ADGRA2: variants seen among roughly 807,000 people sequenced by gnomAD.
The protein encoded by ADGRA2 is adhesion G protein-coupled receptor A2.
Under a neutral mutation model 98.7 loss-of-function variants are expected in ADGRA2, and 61 were observed. The ratio of observed to expected loss-of-function variants is 0.62; its 90% confidence interval spans 0.50 to 0.76. The LOEUF (loss-of-function observed/expected upper bound fraction) is 0.76. Among genes scored for constraint, ADGRA2 ranks in the 30% least tolerant of loss-of-function variants. The pLI is 0.00. For synonymous variants in ADGRA2, 858 were observed against 831.5 expected (o/e 1.03, Z -0.55); for missense variants, 1,712 against 1,860.0 (o/e 0.92, Z 1.46).
chr8:37,804,780 G>A (rs1309672833), intron 1 of ADGRA2, among the ~76,000 whole-genome samples: 1 of 152,190 alleles, frequency 6.6e-6, no homozygotes. Flanking sequence ...CAGAGCAGAT[G>A]CCCTAATCCG....
In ADGRA2 at chr8:37,841,715, G is replaced by A; in HGVS notation, c.3377G>A (p.Gly1126Asp). The change falls in exon 19 of 19, where the codon GGC (glycine) becomes GAC (aspartate). Residue 1126 changes from glycine (G) to aspartate (D), a missense_variant. Coordinates refer to ENST00000412232, the MANE Select transcript of ADGRA2 (RefSeq NM_032777.10). The surrounding 1 kb of genome is among the most constrained non-coding windows in gnomAD (Gnocchi z 5.0). Reference protein sequence around the residue: ...SLKSSPSGSSGHPLALGPCKL... With the variant: ...SLKSSPSGSSDHPLALGPCKL... ...AAGTCCTCCCCAAGCGGCAGCAGCG[G>A]CCATCCGCTGGCTCTGGGCCCCTGC... 6.5e-7 allele frequency: 1 copy of A among 1,541,864 alleles called. No homozygotes were observed. Among genetic ancestry groups the A allele is most frequent in the Non-Finnish European group, 8.7e-7 (1 of 1,144,106 alleles).
In ADGRA2 at chr8:37,841,677, C is replaced by CCCCCCTCCGGGAGGGG; in HGVS notation, c.3344_3345insTCCGGGAGGGGCCCCC (p.Ser1116ProfsTer155). On this transcript the variant is annotated frameshift_variant, in exon 19 of 19. Coordinates refer to ENST00000412232, the MANE Select transcript of ADGRA2 (RefSeq NM_032777.10). LOFTEE classifies it low-confidence loss of function (END_TRUNC). The surrounding 1 kb of genome is among the most constrained non-coding windows in gnomAD (Gnocchi z 5.0). ...ACGGTTCCCCGGTGTTCGGGGAGGGCCCCCCCTCCCTCAAGTCCTCCCCAA... is the reference window on the plus strand; with the variant it reads ...ACGGTTCCCCGGTGTTCGGGGAGGGCCCCCCTCCGGGAGGGGCCCCCCTCCCTCAAGTCCTCCCCAA... 6.5e-7 allele frequency: 1 copy of CCCCCCTCCGGGAGGGG among 1,527,872 alleles called. No homozygotes were observed. Among genetic ancestry groups the CCCCCCTCCGGGAGGGG allele is most frequent in the Non-Finnish European group, 8.8e-7 (1 of 1,137,110 alleles). The allele number at this position is 1,527,872 out of a possible 1,614,324, so 94.6% of individuals were successfully genotyped here.
intron 2 of ADGRA2, among the ~76,000 whole-genome samples, chr8:37,820,746 A>C (rs1805103345): frequency 1.3e-5 from 2 of 152,176 alleles, no homozygotes; most frequent in Non-Finnish European, 2.9e-5. Context: ...AGCCTTTGCA[A>C]ATGGGCTGTG....
At chr8:37,804,993 C>T (rs993024879) in intron 1 of ADGRA2, among the ~76,000 whole-genome samples, 3 of 152,240 alleles carry the variant, frequency 2.0e-5, no homozygotes, top group East Asian at 3.8e-4. Context: ...GGCACCACCT[C>T]GGGTAGCTTC....
intron 1 of ADGRA2, among the ~76,000 whole-genome samples, chr8:37,808,634 C>A (rs1804744899): frequency 6.6e-6 from 1 of 151,842 alleles, no homozygotes; most frequent in African/African-American, 2.4e-5. Context: ...TGCTGTAACA[C>A]CCAGCTTTCT....
Position 37,836,084 on chromosome 8 carries a change from CA to C in ADGRA2, c.2050+315del, listed in dbSNP as rs1805606318. Among the ~76,000 whole-genome samples, 133 of 148,826 alleles carry C rather than the reference CA, an allele frequency of 8.9e-4. 1 individual carries two copies. Among genetic ancestry groups the C allele is most frequent in the South Asian group, 3.4e-3 (16 of 4,736 alleles). On this transcript the variant is annotated intron_variant, in intron 13 of 18. Coordinates refer to ENST00000412232, the MANE Select transcript of ADGRA2 (RefSeq NM_032777.10). ...ACACACACACACACACACACACACA[CA>C]CACACACACACACCCCACAGGCCCA...
chr8:37,839,417 C>A, intron 15 of ADGRA2, 82 bp from the exon 16 acceptor site: 1 of 1,575,398 alleles, frequency 6.3e-7, no homozygotes, highest in Admixed American at 1.8e-5. Flanking sequence ...GCCTGCCCCC[C>A]GTGGCTCTCC....
Position 37,829,892 on chromosome 8 carries a change from G to T in ADGRA2, c.596G>T (p.Arg199Leu). The T allele has an allele frequency of 6.2e-7, 1 of 1,612,830 alleles. No homozygotes were observed. Among genetic ancestry groups the T allele is most frequent in the Non-Finnish European group, 8.5e-7 (1 of 1,179,908 alleles). ...TTCCTGACCTGTGACTGCCACCTGC[G>T]CTGGCTGCTGCCCTGGGCCCAGAAT... ...TEFLTCDCHL[R>L]WLLPWAQNRS... is the part of the protein sequence containing the mutation. The change falls in exon 6 of 19, where the codon CGC becomes CTC. Residue 199 changes from arginine to leucine, a missense_variant. Arg to Leu is a moderately radical substitution (Grantham distance 102, BLOSUM62 -2). Transcript: ENST00000412232.
At chr8:37,807,317 C>T (rs1424059357) in intron 1 of ADGRA2, among the ~76,000 whole-genome samples, 6 of 152,218 alleles carry the variant, frequency 3.9e-5, no homozygotes, top group Non-Finnish European at 7.3e-5. Context: ...GCCAGCCTTT[C>T]GCTTGAGGTT....
rs1041754275 is a variant in ADGRA2 at position 37,841,189 on chromosome 8, C to T, written c.2851C>T (p.Arg951Trp). 7 of 1,613,308 alleles carry T rather than the reference C, an allele frequency of 4.3e-6. No individual in the cohort carries two copies. Among genetic ancestry groups the T allele is most frequent in the Non-Finnish European group, 5.1e-6 (6 of 1,180,004 alleles). Residue 951 changes from arginine to tryptophan, a missense_variant, in exon 19 of 19, where the codon CGG (arginine) becomes TGG (tryptophan). Transcript: ENST00000412232. The surrounding 1 kb of genome is among the most constrained non-coding windows in gnomAD (Gnocchi z 5.0). ...TTTCCTGTGCGCCGGGCTACGCTTA[C>T]GGGGTCCTCTGGCACAGAACCCCAA... ...IYFLCAGLRL[R>W]GPLAQNPKAG...
At position 37,830,075 on chromosome 8, in the gene ADGRA2, C is replaced by T. The variant is rs951203735; in HGVS notation, c.718+61C>T. The T allele has an allele frequency of 1.7e-6, 2 of 1,169,706 alleles. No homozygotes were observed. The highest frequency in any genetic ancestry group is 1.5e-5 in the African/African-American group (1 of 65,022). 72.5% of individuals were successfully genotyped at this position (1,169,706 alleles called of 1,614,324 possible). On this transcript the variant is annotated intron_variant, in intron 6 of 18. Transcript: ENST00000412232. This position sits in a 1 kb window ranked among gnomAD's most constrained non-coding sequence, Gnocchi z 4.8. ...ACCCTGCCTCTCCACCAACCCAGGG[C>T]CCAGACACGAGCCTCCCCTCAGACC...
chr8:37,797,120 G>C lies in ADGRA2; in HGVS notation c.-149G>C, dbSNP rs1431944243. On this transcript the variant is annotated 5_prime_UTR_variant, in exon 1 of 19. Transcript: ENST00000412232. The surrounding 1 kb of genome is among the most constrained non-coding windows in gnomAD (Gnocchi z 5.3). ...CATGCCCCCGGGGCGCGGCGGCGGG[G>C]ACCCCGGGGCTCGCCTCCGCCCAGG... The C allele has an allele frequency of 2.3e-6, 1 of 442,604 alleles. No individual in the cohort carries two copies. Among genetic ancestry groups the C allele is most frequent in the Non-Finnish European group, 3.3e-6 (1 of 300,544 alleles). The allele number at this position is 442,604 out of a possible 1,614,324, so 27.4% of individuals were successfully genotyped here.
rs34876570 is a variant in ADGRA2 at position 37,807,106 on chromosome 8, AC to A, written c.267-7785del. On this transcript the variant is annotated intron_variant, in intron 1 of 18. Coordinates refer to ENST00000412232, the MANE Select transcript of ADGRA2 (RefSeq NM_032777.10). ...GGTTCAGGGGCAGTCTCAGGACCCA[AC>A]CCCCTAAAGCCCCTCCCTAGGCCTC... Among the ~76,000 whole-genome samples the A allele has an allele frequency of 8.8e-4, 134 of 152,128 alleles. 1 individual carries two copies. Among genetic ancestry groups the A allele is most frequent in the South Asian group, 2.1e-3 (10 of 4,818 alleles).
rs143973330 is a variant in ADGRA2 at position 37,829,686 on chromosome 8, C to T, written c.554+127C>T. ...GCCACAGCAGACAGTGCCTGAAATG[C>T]CCCCATGATCACCTTCCCGCGATGG... is the stretch of plus-strand genomic sequence containing the variant. On this transcript the variant is annotated intron_variant, in intron 5 of 18. Transcript: ENST00000412232. 49 of 954,712 alleles carry T rather than the reference C, an allele frequency of 5.1e-5. No individual in the cohort carries two copies. In the African/African-American group the frequency reaches 7.2e-4, roughly 14 times the overall value. 59.1% of individuals were successfully genotyped at this position (954,712 alleles called of 1,614,324 possible).
rs1471441918 is a variant in ADGRA2 at position 37,834,198 on chromosome 8, C to T, written c.1608+70C>T. The T allele has an allele frequency of 3.0e-5, 41 of 1,351,176 alleles. No homozygotes were observed. The highest frequency in any genetic ancestry group is 5.8e-5 in the African/African-American group (4 of 69,298). 83.7% of individuals were successfully genotyped at this position (1,351,176 alleles called of 1,614,324 possible). On this transcript the variant is annotated intron_variant, in intron 11 of 18. Transcript: ENST00000412232. The surrounding 1 kb of genome is among the most constrained non-coding windows in gnomAD (Gnocchi z 4.2). ...GGAGGCGCTCCCTCTCAGGCGTGCACCTGCCGTGCCCCAGCTAGCAAGAGC... is the reference window on the plus strand; with the variant it reads ...GGAGGCGCTCCCTCTCAGGCGTGCATCTGCCGTGCCCCAGCTAGCAAGAGC...
chr8:37,810,027 G>A (rs1804781479), intron 1 of ADGRA2, among the ~76,000 whole-genome samples: 1 of 152,188 alleles, frequency 6.6e-6, no homozygotes, highest in Admixed American at 6.5e-5. Context: ...GAATTTAGGT[G>A]TGTTGGCAGA....
chr8:37,840,056 C>T, intron 16 of ADGRA2, 65 bp from the exon 17 acceptor site: 1 of 1,437,870 alleles, frequency 7.0e-7, no homozygotes. Flanking sequence ...ACCAGCAGGA[C>T]TGAAGCTCTG....
chr8:37,839,222 G>A, intron 15 of ADGRA2, 139 bp downstream of exon 15: 2 of 1,299,026 alleles, frequency 1.5e-6, no homozygotes, highest in Admixed American at 1.7e-5. Context: ...GGCAGGTGTA[G>A]GAAACCTCCC....
chr8:37,800,373 C>T (rs1040023128), intron 1 of ADGRA2, among the ~76,000 whole-genome samples: 10 of 152,196 alleles, frequency 6.6e-5, no homozygotes, highest in African/African-American at 2.4e-4. Flanking sequence ...TCACACCTCT[C>T]AGGTGATCTC....
Sources: gnomAD v4.1 joint callset for allele counts (sites outside exome capture counted in the v4.1 genomes callset) on GRCh38, gnomAD v4.1.1 for gene constraint, Gnocchi (gnomAD v3.1) non-coding constraint, MANE v1.5 for transcripts, NCBI Gene and HGNC (gene_info 2026-07-23, HGNC 2026-07-21) for gene names.